Variants in KRT72 observed in about 807,000 individuals in gnomAD.
KRT72 encodes keratin, type II cytoskeletal 72.
In KRT72, 44 loss-of-function variants were observed where a neutral mutation model predicts 44.7. The ratio of observed to expected loss-of-function variants is 0.98; its 90% confidence interval spans 0.77 to 1.27. The LOEUF is 1.27. Among genes scored for constraint, KRT72 ranks in the 50% most tolerant of loss-of-function variants. The probability of loss-of-function intolerance (pLI) is 0.00; values close to 1 mark genes in which losing one functional copy is unlikely to be tolerated. For synonymous variants in KRT72, 302 were observed against 280.4 expected (o/e 1.08, Z -0.77); for missense variants, 736 against 667.1 (o/e 1.10, Z -1.14).
Position 52,586,005 on chromosome 12 carries a change from C to T in KRT72, c.1513G>A (p.Ala505Thr). 1.2e-6 allele frequency: 2 copies of T among 1,613,506 alleles called. No homozygotes were observed. Among genetic ancestry groups the T allele is most frequent in the East Asian group, 2.2e-5 (1 of 44,860 alleles). The change falls in exon 9 of 9, where the codon GCC (alanine) becomes ACC (threonine). Residue 505 changes from alanine (A) to threonine (T), a missense_variant. Transcript: ENST00000293745. ...PLAKTSGSSCATKKASR is the reference protein window; with the variant it reads ...PLAKTSGSSCTTKKASR ...CATCATCTGGAGGCCTTTTTGGTGGCACAGCTGCTCCCCGAGGTTTTGGCA... is the reference window on the plus strand; with the variant it reads ...CATCATCTGGAGGCCTTTTTGGTGGTACAGCTGCTCCCCGAGGTTTTGGCA...
Position 52,587,760 on chromosome 12 carries a change from C to A in KRT72, c.1181G>T (p.Gly394Val), listed in dbSNP as rs931608893. 6.8e-6 allele frequency: 11 copies of A among 1,614,208 alleles called. No individual in the cohort carries two copies. The highest frequency in any genetic ancestry group is 1.7e-5 in the Admixed American group (1 of 60,024). The change falls in exon 7 of 9, where the codon GGC (glycine) becomes GTC (valine). Residue 394 changes from glycine (G) to valine (V), a missense_variant. Coordinates refer to ENST00000293745, the MANE Select transcript of KRT72 (RefSeq NM_080747.3). ...DARAKLDELE[G>V]ALHQAKEELA... Reference sequence around the variant, plus strand: ...CTCCTCCTTGGCCTGGTGCAGGGCGCCCTCCAGCTCATCCAGCTTGGCCCG... The same window carrying A: ...CTCCTCCTTGGCCTGGTGCAGGGCGACCTCCAGCTCATCCAGCTTGGCCCG...
At chr12:52,592,614 A>G in intron 3 of KRT72, 123 bp from the exon 4 acceptor site, 2 of 729,300 alleles carry the variant, frequency 2.7e-6, no homozygotes, top group Non-Finnish European at 4.6e-6. Context: ...GGGCTCCCTG[A>G]GAGTCCCCTT....
At chr12:52,600,146 T>C (rs2120816314) in intron 1 of KRT72, among the ~76,000 whole-genome samples, 1 of 152,204 alleles carries the variant, frequency 6.6e-6, no homozygotes, top group South Asian at 2.1e-4. Context: ...CCTGTAACTT[T>C]ACATGCACTC....
At chr12:52,600,955 C>T (rs7980333) in intron 1 of KRT72, 72 bp downstream of exon 1, 377,497 of 1,532,480 alleles carry the variant, frequency 0.25, 49,037 homozygotes, top group South Asian at 0.34. Flanking sequence ...CCACACAGCT[C>T]GCCAGTGGCA....
intron 1 of KRT72, 107 bp from the exon 2 acceptor site, chr12:52,599,219 A>G: frequency 9.7e-7 from 1 of 1,028,234 alleles, no homozygotes. Flanking sequence ...GACTGGGGGT[A>G]GGAGAAAACA....
At chr12:52,590,423 G>T (rs1295503651) in intron 6 of KRT72, among the ~76,000 whole-genome samples, 2 of 152,132 alleles carry the variant, frequency 1.3e-5, no homozygotes, top group African/African-American at 4.8e-5. Flanking sequence ...TAAACCCCAA[G>T]GCTTACCTAT....
intron 2 of KRT72, among the ~76,000 whole-genome samples, chr12:52,596,672 C>T (rs1170221580): frequency 2.6e-5 from 4 of 151,890 alleles, no homozygotes; most frequent in African/African-American, 4.8e-5. Flanking sequence ...ATGCCTCAGC[C>T]TCTGAGTAGC....
At position 52,592,413 on chromosome 12, in the gene KRT72, TGAA is replaced by T. The variant is rs767843394; in HGVS notation, c.778_780del (p.Phe260del). On this transcript the variant is annotated inframe_deletion, in exon 4 of 9. Coordinates refer to ENST00000293745, the MANE Select transcript of KRT72 (RefSeq NM_080747.3). Reference sequence around the variant, plus strand: ...GTCCTTACCCCTTCATAAAGGCACTTGAAGAATTTAATCTCATCTGTCAAGGAG... The same window carrying T: ...GTCCTTACCCCTTCATAAAGGCACTTGAATTTAATCTCATCTGTCAAGGAG... The T allele has an allele frequency of 1.2e-6, 2 of 1,612,892 alleles. No individual in the cohort carries two copies. The highest frequency in any genetic ancestry group is 2.2e-5 in the East Asian group (1 of 44,874).
At chr12:52,589,970 G>A (rs1243420811) in intron 6 of KRT72, among the ~76,000 whole-genome samples, 4 of 152,212 alleles carry the variant, frequency 2.6e-5, no homozygotes, top group South Asian at 2.1e-4. Flanking sequence ...CCACTACCAT[G>A]AGCACAGAGG....
At chr12:52,597,181 G>C (rs1940254236) in intron 2 of KRT72, among the ~76,000 whole-genome samples, 1 of 152,148 alleles carries the variant, frequency 6.6e-6, no homozygotes. Flanking sequence ...TGATTAAAAG[G>C]TTGTAGTTTC....
At position 52,587,827 on chromosome 12, in the gene KRT72, C is replaced by T. The variant is rs372773585; in HGVS notation, c.1114G>A (p.Ala372Thr). The T allele has an allele frequency of 8.1e-6, 13 of 1,613,938 alleles. No homozygotes were observed. The Admixed American group carries it at 1.0e-4, about 12-fold the overall frequency. ...CAGTCCCCCCGCTGTTCAGCGTCGG[C>T]GATGGCCGTCTCCAGATCGGCACAC... Reference protein sequence around the residue: ...KQCADLETAIADAEQRGDCAL... With the variant: ...KQCADLETAITDAEQRGDCAL... The change falls in exon 7 of 9, where the codon GCC (alanine) becomes ACC (threonine). Residue 372 changes from alanine (A) to threonine (T), a missense_variant. Transcript: ENST00000293745.
intron 2 of KRT72, among the ~76,000 whole-genome samples, chr12:52,595,339 A>T (rs1465668594): frequency 2.0e-5 from 3 of 152,144 alleles, no homozygotes; most frequent in Admixed American, 6.5e-5. Flanking sequence ...GTTTTATAAC[A>T]TAAATAGTTA....
Position 52,599,082 on chromosome 12 carries a change from G to A in KRT72, c.457C>T (p.Leu153=), listed in dbSNP as rs1940321681. Residue 153 remains leucine, a synonymous_variant, in exon 2 of 9, where the codon CTA becomes TTA. Transcript: ENST00000293745. ...VRFLEQQNQV[L]ETKWNLLQQL... is the part of the protein sequence containing the mutation. ...TGTAGGAGGTTCCACTTGGTCTCTA[G>A]CACCTGATTCTGCTGCTCCAGGAAC... 2 of 1,614,032 alleles carry A rather than the reference G, an allele frequency of 1.2e-6. No individual in the cohort carries two copies. The highest frequency in any genetic ancestry group is 2.7e-5 in the African/African-American group (2 of 74,906).
At position 52,599,484 on chromosome 12, in the gene KRT72, G is replaced by C. The variant is rs79181228; in HGVS notation, c.427-372C>G. The C allele has an allele frequency of 1.1e-3, 490 of 461,786 alleles. 2 individuals are homozygous for C. The highest frequency in any genetic ancestry group is 8.8e-3 in the African/African-American group (446 of 50,488). 28.6% of individuals were successfully genotyped at this position (461,786 alleles called of 1,614,324 possible). A position where few individuals can be genotyped will look rare whatever the true frequency, so the allele number is the denominator to read the frequency against. On this transcript the variant is annotated intron_variant, in intron 1 of 8. Coordinates refer to ENST00000293745, the MANE Select transcript of KRT72 (RefSeq NM_080747.3). ...ACATTGGAAAGCACACTGGCATTTAGAGCGTTCCTCCTGTTGTGTAGCCTA... is the reference window on the plus strand; with the variant it reads ...ACATTGGAAAGCACACTGGCATTTACAGCGTTCCTCCTGTTGTGTAGCCTA...
rs534822174 is a variant in KRT72 at position 52,587,583 on chromosome 12, A to C, written c.1310+48T>G. The C allele has an allele frequency of 1.9e-6, 3 of 1,600,822 alleles. No individual in the cohort carries two copies. In the Admixed American group the frequency reaches 5.0e-5, roughly 27 times the overall value. On this transcript the variant is annotated intron_variant, in intron 7 of 8. Coordinates refer to ENST00000293745, the MANE Select transcript of KRT72 (RefSeq NM_080747.3). ...ACTGTTTGCCTTGGAGCTTCCTACC[A>C]AAGCAGAGAGAAAACTGGTCCCGAC...
chr12:52,591,532 C>T lies in KRT72; in HGVS notation c.895G>A (p.Val299Ile). The T allele has an allele frequency of 6.2e-7, 1 of 1,614,132 alleles. No individual in the cohort carries two copies. Among genetic ancestry groups the T allele is most frequent in the South Asian group, 1.1e-5 (1 of 91,074 alleles). ...GCAATCTCCTCGTACTGGGCACGGACCTCGGCAATGATGCTGTCCAGGTCC... is the reference window on the plus strand; with the variant it reads ...GCAATCTCCTCGTACTGGGCACGGATCTCGGCAATGATGCTGTCCAGGTCC... Reference protein sequence around the residue: ...DLDLDSIIAEVRAQYEEIALK... With the variant: ...DLDLDSIIAEIRAQYEEIALK... Residue 299 changes from valine (V) to isoleucine (I), a missense_variant, in exon 5 of 9, where the codon GTC (valine) becomes ATC (isoleucine). Physicochemically the swap from Val to Ile is conservative, Grantham distance 29. Transcript: ENST00000293745.
chr12:52,596,425 T>TC (rs1464338069), intron 2 of KRT72, among the ~76,000 whole-genome samples: 1 of 152,248 alleles, frequency 6.6e-6, no homozygotes, highest in African/African-American at 2.4e-5. Flanking sequence ...CAATTTTTTT[T>TC]CATTTTTTAT....
rs1940441505 is a variant in KRT72 at position 52,601,274 on chromosome 12, A to G, written c.179T>C (p.Leu60Pro). 1.3e-6 allele frequency: 2 copies of G among 1,555,266 alleles called. No individual in the cohort carries two copies. The highest frequency in any genetic ancestry group is 1.2e-5 in the South Asian group (1 of 85,204). The change falls in exon 1 of 9, where the codon CTC (leucine) becomes CCC (proline). Residue 60 changes from leucine to proline, a missense_variant. Coordinates refer to ENST00000293745, the MANE Select transcript of KRT72 (RefSeq NM_080747.3). ...SCLGGSRSLA[L>P]SAAARRGGGR... is the part of the protein sequence containing the mutation. Reference sequence around the variant, plus strand: ...GCCGCCCCGCCGTGCAGCAGCGCTGAGCGCCAGGCTTCGGCTGCCCCCAAG... The same window carrying G: ...GCCGCCCCGCCGTGCAGCAGCGCTGGGCGCCAGGCTTCGGCTGCCCCCAAG...
chr12:52,590,928 C>A lies in KRT72; in HGVS notation c.997G>T (p.Gly333Trp), dbSNP rs202199905. Residue 333 changes from glycine to tryptophan, a missense_variant, in exon 6 of 9, where the codon GGG becomes TGG. Transcript: ENST00000293745. ...GCCTTGGTGAGCTTGAGGTCATCCC[C>A]ATGCTGGCCTGCTGTGACCTGCAGC... ...QELQVTAGQH[G>W]DDLKLTKAEI... 4.8e-4 allele frequency: 770 copies of A among 1,605,772 alleles called. No homozygotes were observed. The highest frequency in any genetic ancestry group is 3.1e-3 in the South Asian group (276 of 89,756).
Sources: gnomAD v4.1 joint callset for allele counts (sites outside exome capture counted in the v4.1 genomes callset) on GRCh38, gnomAD v4.1.1 for gene constraint, MANE v1.5 for transcripts, NCBI Gene and HGNC (gene_info 2026-07-23, HGNC 2026-07-21) for gene names.